RNGTT: variants seen among roughly 807,000 people sequenced by gnomAD.
The protein encoded by RNGTT is mRNA-capping enzyme.
A neutral mutation model predicts 79.3 loss-of-function variants in RNGTT; 33 were observed. The observed-to-expected ratio is 0.42, with a 90% CI of 0.32 to 0.56. The LOEUF (loss-of-function observed/expected upper bound fraction) is 0.56. Ranked by LOEUF, RNGTT falls within the 20% of genes least tolerant of loss-of-function variation. The pLI, the probability that RNGTT is intolerant of heterozygous loss-of-function variation, is 0.17. For missense variants in RNGTT, 497 were observed against 739.1 expected, an observed-to-expected ratio of 0.67 and a Z score of 3.80; for synonymous variants, 222 against 235.9, an observed-to-expected ratio of 0.94 and a Z score of 0.54.
chr6:88,809,341 T>A (rs1055112311), intron 11 of RNGTT, among the ~76,000 whole-genome samples: 1 of 151,528 alleles, frequency 6.6e-6, no homozygotes, highest in Non-Finnish European at 1.5e-5. Flanking sequence ...GAAAAAAAAA[T>A]CACTAGTAGT....
At chr6:88,771,309 GTGTGTGTATATATATATATATATATA>G (rs1163178496) in intron 12 of RNGTT, among the ~76,000 whole-genome samples, 6 of 87,348 alleles carry the variant, frequency 6.9e-5, no homozygotes, top group African/African-American at 3.0e-4. Context: ...ATGTATGTGT[GTGTGTGTATATATATATATATATATA>G]TATATATATA....
At chr6:88,670,430 C>T (rs886108405) in intron 14 of RNGTT, among the ~76,000 whole-genome samples, 23 of 151,926 alleles carry the variant, frequency 1.5e-4, no homozygotes, top group African/African-American at 9.7e-5. Flanking sequence ...CGGTCTGTCT[C>T]GCAAAAAGAC....
chr6:88,849,097 T>C (rs1388912125), intron 10 of RNGTT, among the ~76,000 whole-genome samples: 1 of 151,884 alleles, frequency 6.6e-6, no homozygotes, highest in Non-Finnish European at 1.5e-5. Context: ...CGCCACCCCT[T>C]ATGTCTAGTT....
At chr6:88,940,418 C>A (rs565515080) in intron 2 of RNGTT, among the ~76,000 whole-genome samples, 3 of 152,256 alleles carry the variant, frequency 2.0e-5, no homozygotes, top group Admixed American at 2.0e-4. Flanking sequence ...GAGGGAAGGA[C>A]TTTTTCCTGA....
chr6:88,744,366 A>G (rs1471512188), intron 13 of RNGTT, among the ~76,000 whole-genome samples: 1 of 151,962 alleles, frequency 6.6e-6, no homozygotes, highest in African/African-American at 2.4e-5. Context: ...GGTTTAAGCG[A>G]TTCTCCCACC....
chr6:88,752,373 TGAG>T (rs1236424930), intron 13 of RNGTT, among the ~76,000 whole-genome samples: 1 of 152,124 alleles, frequency 6.6e-6, no homozygotes, highest in African/African-American at 2.4e-5. Flanking sequence ...TTCTTTATCC[TGAG>T]GATATAAACA....
intron 14 of RNGTT, among the ~76,000 whole-genome samples, chr6:88,633,733 G>A (rs1772992696): frequency 6.6e-6 from 1 of 152,156 alleles, no homozygotes; most frequent in African/African-American, 2.4e-5. Context: ...AACAGAATCA[G>A]CCCAACCTAA....
chr6:88,852,156 C>T (rs2127906699), intron 9 of RNGTT, among the ~76,000 whole-genome samples: 1 of 152,068 alleles, frequency 6.6e-6, no homozygotes, highest in South Asian at 2.1e-4. Context: ...TTGTTTTATT[C>T]AAAGGTCTCT....
chr6:88,666,004 A>T (rs1390541623), intron 14 of RNGTT, among the ~76,000 whole-genome samples: 1 of 152,214 alleles, frequency 6.6e-6, no homozygotes, highest in Non-Finnish European at 1.5e-5. Context: ...GGTCATTTGC[A>T]ACCTACTGGA....
intron 4 of RNGTT, among the ~76,000 whole-genome samples, chr6:88,924,219 G>A (rs1784250365): frequency 6.6e-6 from 1 of 152,220 alleles, no homozygotes; most frequent in Admixed American, 6.5e-5. Flanking sequence ...TCCCCTAGGA[G>A]CTCTCAGAAA....
chr6:88,722,595 T>C (rs564064493), intron 13 of RNGTT, among the ~76,000 whole-genome samples: 61 of 152,328 alleles, frequency 4.0e-4, no homozygotes, highest in African/African-American at 1.3e-3. Context: ...TATGGATTAC[T>C]TGGTAGTAAA....
rs187007603 is a variant in RNGTT, at chr6:88,775,064, G to T, written c.1339-5190C>A. 1.1e-3 allele frequency among the ~76,000 whole-genome samples: 172 copies of T among 151,994 alleles called. 1 individual carries two copies. Among genetic ancestry groups the T allele is most frequent in the African/African-American group, 4.0e-3 (167 of 41,422 alleles). ...ATATATTTGTATATTCACTTTATAGGTATCCTAATTGGAATGCATTTACTC... is the reference window on the plus strand; with the variant it reads ...ATATATTTGTATATTCACTTTATAGTTATCCTAATTGGAATGCATTTACTC... On this transcript the variant is annotated intron_variant, in intron 12 of 15. Coordinates refer to ENST00000369485, the MANE Select transcript of RNGTT (RefSeq NM_003800.5).
chr6:88,794,987 T>A (rs777764698), intron 12 of RNGTT, among the ~76,000 whole-genome samples: 1 of 152,240 alleles, frequency 6.6e-6, no homozygotes, highest in African/African-American at 2.4e-5. Context: ...AAAATCTCCA[T>A]ATCAGAGAAG....
chr6:88,877,918 T>C (rs1782567740), intron 8 of RNGTT, among the ~76,000 whole-genome samples: 1 of 152,084 alleles, frequency 6.6e-6, no homozygotes, highest in Non-Finnish European at 1.5e-5. Flanking sequence ...AAAACAGGGC[T>C]GGGGTCTTTA....
At chr6:88,954,338 C>A (rs893826757) in intron 1 of RNGTT, among the ~76,000 whole-genome samples, 1 of 152,068 alleles carries the variant, frequency 6.6e-6, no homozygotes. Flanking sequence ...AATAGCTATT[C>A]TTATGTCAGA....
rs559098864 is a variant in RNGTT at position 88,714,187 on chromosome 6, T to C, written c.1440-35768A>G. ...TGTGAAAAAGAAAGTGATGAAAGTG[T>C]TCCATGAAATTATAACTTAAAATTA... On this transcript the variant is annotated intron_variant, in intron 13 of 15. Coordinates refer to ENST00000369485, the MANE Select transcript of RNGTT (RefSeq NM_003800.5). The C allele has an allele frequency of 3.3e-5, 5 of 152,340 alleles. No homozygotes were observed. In the South Asian group the frequency reaches 1.0e-3, roughly 32 times the overall value. 9.4% of individuals were successfully genotyped at this position (152,340 alleles called of 1,614,324 possible). A position where few individuals can be genotyped will look rare whatever the true frequency, so the allele number is the denominator to read the frequency against.
intron 13 of RNGTT, among the ~76,000 whole-genome samples, chr6:88,682,736 A>T (rs1329278946): frequency 6.6e-6 from 1 of 152,146 alleles, no homozygotes; most frequent in African/African-American, 2.4e-5. Context: ...ACTCTTCCTG[A>T]TCCTCTCCTT....
chr6:88,821,414 G>A (rs1780492782), intron 11 of RNGTT, among the ~76,000 whole-genome samples: 1 of 151,992 alleles, frequency 6.6e-6, no homozygotes. Flanking sequence ...TGAAAAATAT[G>A]CTATGCTAAA....
At chr6:88,838,339 A>G (rs1781150789) in intron 11 of RNGTT, among the ~76,000 whole-genome samples, 1 of 152,028 alleles carries the variant, frequency 6.6e-6, no homozygotes, top group Non-Finnish European at 1.5e-5. Flanking sequence ...TTTCACTTAT[A>G]TAGTTGTCTA....
Sources: allele counts gnomAD v4.1 joint callset (sites outside exome capture counted in the v4.1 genomes callset), GRCh38; gene constraint gnomAD v4.1.1; transcripts MANE v1.5; gene names NCBI Gene and HGNC (gene_info 2026-07-23, HGNC 2026-07-21).